MACROD2: variants seen among roughly 807,000 people sequenced by gnomAD.
MACROD2 encodes the protein mono-ADP ribosylhydrolase 2.
A neutral mutation model predicts 70.4 loss-of-function variants in MACROD2; 36 were observed. The observed-to-expected ratio is 0.51, with a 90% confidence interval of 0.39 to 0.68. The LOEUF is 0.68. MACROD2 is among the 30% of genes least tolerant of loss of function. The pLI, the probability that MACROD2 is intolerant of heterozygous loss-of-function variation, is 0.00. For synonymous variants in MACROD2, 172 were observed against 178.8 expected (o/e 0.96, Z 0.30); for missense variants, 496 against 538.4 (o/e 0.92, Z 0.78).
At chr20:15,848,776 G>C (rs940707008) in intron 8 of MACROD2, among the ~76,000 whole-genome samples, 3 of 152,040 alleles carry the variant, frequency 2.0e-5, no homozygotes, top group African/African-American at 7.2e-5. Flanking sequence ...CTTTCCTTTT[G>C]GGGTCCCTAA....
At chr20:15,286,876 T>C (rs2077496506) in intron 6 of MACROD2, among the ~76,000 whole-genome samples, 1 of 152,100 alleles carries the variant, frequency 6.6e-6, no homozygotes, top group Non-Finnish European at 1.5e-5. Flanking sequence ...AACCCAGAAT[T>C]ATTTTGAGGG....
chr20:14,505,543 T>C (rs2123134147), intron 4 of MACROD2, among the ~76,000 whole-genome samples: 1 of 152,338 alleles, frequency 6.6e-6, no homozygotes. Flanking sequence ...GGAGAAGAAC[T>C]CTATTACAAG....
chr20:14,331,604 C>T (rs1051231287), intron 3 of MACROD2, among the ~76,000 whole-genome samples: 19 of 152,122 alleles, frequency 1.2e-4, no homozygotes, highest in Non-Finnish European at 2.1e-4. Context: ...GAGCTACTCT[C>T]ATATGCCCCT....
intron 2 of MACROD2, among the ~76,000 whole-genome samples, chr20:14,082,676 T>G (rs139634140): frequency 2.3e-4 from 32 of 140,322 alleles, no homozygotes; most frequent in African/African-American, 7.8e-4. Context: ...CTATTTACTC[T>G]GTTTCCCATG....
At position 15,393,506 on chromosome 20, in the gene MACROD2, C is replaced by T. The variant is rs191567169; in HGVS notation, c.541-37899C>T. Among the ~76,000 whole-genome samples the T allele has an allele frequency of 3.8e-3, 575 of 152,288 alleles. 4 individuals carry two copies. The highest frequency in any genetic ancestry group is 5.7e-3 in the Non-Finnish European group (385 of 68,024). ...TTTATTCTGTTTGTGCAATCCATCT[C>T]TTCCACTCAATTTTGCACCTCTATT... On this transcript the variant is annotated intron_variant, in intron 6 of 17. Transcript: ENST00000684519.
chr20:15,736,172 T>A (rs915065659), intron 8 of MACROD2, among the ~76,000 whole-genome samples: 1 of 152,226 alleles, frequency 6.6e-6, no homozygotes, highest in Non-Finnish European at 1.5e-5. Context: ...ACATTGCAGA[T>A]GCTCAGTACC....
At chr20:15,316,652 A>G (rs1452310977) in intron 6 of MACROD2, among the ~76,000 whole-genome samples, 1 of 152,106 alleles carries the variant, frequency 6.6e-6, no homozygotes, top group Admixed American at 6.6e-5. Context: ...AATGGAGACC[A>G]AGAAGGACAT....
intron 2 of MACROD2, among the ~76,000 whole-genome samples, chr20:14,067,558 T>C (rs1170795609): frequency 6.6e-6 from 1 of 152,214 alleles, no homozygotes; most frequent in Non-Finnish European, 1.5e-5. Context: ...TTACACAAGA[T>C]TACTTGAAGA....
intron 5 of MACROD2, among the ~76,000 whole-genome samples, chr20:14,812,771 G>C (rs1364287963): frequency 6.6e-6 from 1 of 152,008 alleles, no homozygotes; most frequent in Non-Finnish European, 1.5e-5. Context: ...CAAGTGATCA[G>C]TTCTCTAGCA....
chr20:15,292,359 A>G (rs1036523294), intron 6 of MACROD2, among the ~76,000 whole-genome samples: 2 of 152,074 alleles, frequency 1.3e-5, no homozygotes, highest in African/African-American at 2.4e-5. Context: ...AAGGTCCAGC[A>G]TATGACCCAG....
chr20:15,405,152 G>C (rs1184579083), intron 6 of MACROD2, among the ~76,000 whole-genome samples: 1 of 151,904 alleles, frequency 6.6e-6, no homozygotes, highest in Non-Finnish European at 1.5e-5. Context: ...AGGAGCGACT[G>C]CTAATGGGTA....
chr20:15,664,782 C>T (rs1322537819), intron 8 of MACROD2, among the ~76,000 whole-genome samples: 1 of 152,124 alleles, frequency 6.6e-6, no homozygotes, highest in Non-Finnish European at 1.5e-5. Context: ...CTGCTTGGAT[C>T]ATGTCAGCTA....
chr20:15,635,410 A>G (rs1259664161), intron 8 of MACROD2, among the ~76,000 whole-genome samples: 1 of 152,198 alleles, frequency 6.6e-6, no homozygotes, highest in East Asian at 1.9e-4. Context: ...TTCAATTTTT[A>G]AAAAGAATGA....
At chr20:15,331,961 T>C (rs1008170070) in intron 6 of MACROD2, among the ~76,000 whole-genome samples, 1 of 151,528 alleles carries the variant, frequency 6.6e-6, no homozygotes, top group African/African-American at 2.4e-5. Context: ...TATATCGACC[T>C]GAAAGTGTAT....
At chr20:14,628,654 A>G (rs1207588796) in intron 4 of MACROD2, 1 of 152,186 alleles carries the variant, frequency 6.6e-6, no homozygotes. Context: ...GAGATGTCCT[A>G]AGACAATTGG....
intron 9 of MACROD2, among the ~76,000 whole-genome samples, chr20:15,876,084 A>G (rs2064664050): frequency 1.1e-5 from 1 of 93,200 alleles, no homozygotes. Context: ...TGTCAGCTAC[A>G]TGTCTTTTAT....
chr20:14,275,282 G>T (rs1468317083), intron 3 of MACROD2, among the ~76,000 whole-genome samples: 3 of 152,132 alleles, frequency 2.0e-5, no homozygotes, highest in South Asian at 2.1e-4. Context: ...CCCAAACAGA[G>T]ATATAGACCA....
In MACROD2 at chr20:15,803,197, G is replaced by A. The variant is rs114692101; in HGVS notation, c.646-59548G>A. The stretch of plus-strand genomic sequence containing the variant: ...CACTCTGATACCAAAACCAGGCAAG[G>A]ACACAATAAACAAAGAAAAATACAG... On this transcript the variant is annotated intron_variant, in intron 8 of 17. Coordinates refer to ENST00000684519, the MANE Select transcript of MACROD2 (RefSeq NM_001351661.2). Among the ~76,000 whole-genome samples, 356 of 152,008 alleles carry A rather than the reference G, an allele frequency of 2.3e-3. 4 individuals are homozygous for A. The highest frequency in any genetic ancestry group is 8.2e-3 in the African/African-American group (340 of 41,420).
chr20:14,061,114 C>A (rs771008011), intron 2 of MACROD2, among the ~76,000 whole-genome samples: 1 of 152,082 alleles, frequency 6.6e-6, no homozygotes, highest in African/African-American at 2.4e-5. Flanking sequence ...CATGCACTCT[C>A]ACACTGAAAA....
Sources: allele counts gnomAD v4.1 joint callset (sites outside exome capture counted in the v4.1 genomes callset), GRCh38; gene constraint gnomAD v4.1.1; transcripts MANE v1.5; gene names NCBI Gene and HGNC (gene_info 2026-07-23, HGNC 2026-07-21).